The following KLRG1 variants were observed in gnomAD, a reference collection of about 807,000 sequenced individuals.
KLRG1 encodes killer cell lectin like receptor G1.
A neutral mutation model predicts 21.8 loss-of-function variants in KLRG1; 16 were observed. The observed-to-expected ratio is 0.73, with a 90% CI of 0.50 to 1.11. The LOEUF (loss-of-function observed/expected upper bound fraction) is 1.11. KLRG1 is among the 50% of genes most tolerant of loss of function. The pLI, the probability that KLRG1 is intolerant of heterozygous loss-of-function variation, is 0.00. For synonymous variants in KLRG1, 69 were observed against 75.9 expected (o/e 0.91, Z 0.47); for missense variants, 173 against 218.3 (o/e 0.79, Z 1.31).
At chr12:9,161,103 A>G in the KLRG1 span, 18 of 1,588,146 alleles carry the variant, frequency 1.1e-5, no homozygotes, top group Admixed American at 2.4e-4. Context: ...ACAACTGCTC[A>G]GACACATTAG....
the KLRG1 span, among the ~76,000 whole-genome samples, chr12:9,016,087 C>G: frequency 1.3e-5 from 2 of 151,852 alleles, no homozygotes; most frequent in Admixed American, 6.6e-5. Flanking sequence ...CTTAACAATG[C>G]GTCTTAAAGA....
the KLRG1 span, among the ~76,000 whole-genome samples, chr12:9,185,595 T>G: frequency 6.6e-6 from 1 of 151,918 alleles, no homozygotes; most frequent in Non-Finnish European, 1.5e-5. Context: ...CCCCAAAATA[T>G]ACTTCACAAG....
At chr12:9,204,226 G>A in the KLRG1 span, among the ~76,000 whole-genome samples, 1 of 152,158 alleles carries the variant, frequency 6.6e-6, no homozygotes, top group Non-Finnish European at 1.5e-5. Context: ...GCTGTAAAGA[G>A]CAGTCTGAGC....
the KLRG1 span, among the ~76,000 whole-genome samples, chr12:9,126,085 A>G: frequency 0.26 from 38,947 of 152,128 alleles, 5,675 homozygotes; most frequent in Admixed American, 0.33. Context: ...TATAATTACA[A>G]TAATGCAACT....
At chr12:9,208,367 G>T in the KLRG1 span, 6 of 1,587,624 alleles carry the variant, frequency 3.8e-6, no homozygotes, top group Non-Finnish European at 4.3e-6. Flanking sequence ...TCAGGGTTGT[G>T]TCCAACTCTC....
the KLRG1 span, among the ~76,000 whole-genome samples, chr12:9,041,461 C>T: frequency 1.3e-5 from 2 of 152,204 alleles, no homozygotes; most frequent in Admixed American, 1.3e-4. Context: ...GTCCTTGATA[C>T]TGCTTCTCCA....
chr12:8,997,416 C>G (rs1947166604), intron 3 of KLRG1, among the ~76,000 whole-genome samples: 1 of 152,088 alleles, frequency 6.6e-6, no homozygotes, highest in African/African-American at 2.4e-5. Context: ...CTTTTGTTCT[C>G]AGGGCAAGAT....
chr12:9,134,388 T>A, the KLRG1 span, among the ~76,000 whole-genome samples: 1 of 152,192 alleles, frequency 6.6e-6, no homozygotes, highest in Non-Finnish European at 1.5e-5. Context: ...ACCAGGTGTC[T>A]TTTTTCTTTT....
the KLRG1 span, chr12:9,074,802 A>T: frequency 1.6e-4 from 250 of 1,585,402 alleles, 1 homozygote; most frequent in Non-Finnish European, 1.9e-4. Context: ...TGAGAAAAAG[A>T]TATTTATAAG....
the KLRG1 span, among the ~76,000 whole-genome samples, chr12:9,125,562 AT>A: frequency 6.6e-6 from 1 of 152,226 alleles, no homozygotes; most frequent in African/African-American, 2.4e-5. Flanking sequence ...TTGACGAAAA[AT>A]TATGTAGACA....
the KLRG1 span, chr12:9,091,061 A>G: frequency 9.1e-7 from 1 of 1,099,460 alleles, no homozygotes; most frequent in Non-Finnish European, 1.3e-6. Context: ...GTATTTGGAG[A>G]TCTCAAAACC....
chr12:9,057,367 A>C, the KLRG1 span, among the ~76,000 whole-genome samples: 51 of 152,224 alleles, frequency 3.4e-4, no homozygotes, highest in Non-Finnish European at 6.9e-4. Context: ...GAAGGGTGGG[A>C]GGGTGACAGG....
the KLRG1 span, among the ~76,000 whole-genome samples, chr12:9,168,088 TAAAC>T: frequency 6.6e-6 from 1 of 152,220 alleles, no homozygotes; most frequent in Non-Finnish European, 1.5e-5. Flanking sequence ...AAATGCTATT[TAAAC>T]AATCAAAGTT....
At chr12:9,100,558 C>T in the KLRG1 span, among the ~76,000 whole-genome samples, 1 of 151,920 alleles carries the variant, frequency 6.6e-6, no homozygotes, top group East Asian at 1.9e-4. Flanking sequence ...GGATTACAGG[C>T]GTAAGCCATC....
intron 3 of KLRG1, among the ~76,000 whole-genome samples, chr12:8,998,568 G>T (rs574178955): frequency 5.3e-5 from 8 of 151,142 alleles, no homozygotes; most frequent in African/African-American, 1.7e-4. Context: ...GCACACCTGT[G>T]GTCCCAGCTA....
the KLRG1 span, among the ~76,000 whole-genome samples, chr12:9,080,558 CCAA>C: frequency 6.6e-6 from 1 of 152,064 alleles, no homozygotes; most frequent in Non-Finnish European, 1.5e-5. Flanking sequence ...GGAGAAAACA[CCAA>C]CAACAAAGCC....
chr12:9,077,693 T>C, the KLRG1 span: 1 of 1,613,270 alleles, frequency 6.2e-7, no homozygotes, highest in Non-Finnish European at 8.5e-7. Flanking sequence ...AGCTCCAGAA[T>C]GATTCACCTT....
the KLRG1 span, among the ~76,000 whole-genome samples, chr12:9,103,236 A>G: frequency 2.6e-5 from 4 of 152,194 alleles, no homozygotes; most frequent in African/African-American, 4.8e-5. Context: ...AACATGTATG[A>G]TTTCACTTAA....
chr12:8,995,154 T>G lies in KLRG1; in HGVS notation c.223T>G (p.Cys75Gly), dbSNP rs753383664. The G allele has an allele frequency of 1.2e-6, 2 of 1,612,248 alleles. No homozygotes were observed. The highest frequency in any genetic ancestry group is 2.7e-5 in the African/African-American group (2 of 74,840). Residue 75 changes from cysteine (C) to glycine (G), a missense_variant, in exon 3 of 5, where the codon TGC becomes GGC. Around this residue, in one of 3 missense-constraint regions of KLRG1, gnomAD observed 144 missense variants for 161.5 expected, o/e 0.89. Coordinates refer to ENST00000356986, the MANE Select transcript of KLRG1 (RefSeq NM_005810.4). ...CTCCACTTGTGCCAGCTGTCCTAGC[T>G]GCCCAGACCGCTGGATGAAATATGG... ...NYSTCASCPS[C>G]PDRWMKYGNH...
Sources: gnomAD v4.1 joint callset for allele counts (sites outside exome capture counted in the v4.1 genomes callset) on GRCh38, gnomAD v4.1.1 for gene constraint, gnomAD v4.1.1 regional missense constraint, MANE v1.5 for transcripts, NCBI Gene and HGNC (gene_info 2026-07-23, HGNC 2026-07-21) for gene names.